The following SNTG1 variants were observed in gnomAD, a reference collection of about 807,000 sequenced individuals.
The protein encoded by SNTG1 is gamma-1-syntrophin.
A neutral mutation model predicts 74.7 loss-of-function variants in SNTG1; 39 were observed. That is an observed-to-expected ratio of 0.52 (90% CI 0.40 to 0.68). The LOEUF (loss-of-function observed/expected upper bound fraction) is 0.68. SNTG1 is among the 30% of genes least tolerant of loss of function. The pLI is 0.00. For synonymous variants in SNTG1, 254 were observed against 217.1 expected (o/e 1.17, Z -1.49); for missense variants, 685 against 609.5 (o/e 1.12, Z -1.30).
At chr8:50,751,665 TC>T (rs1489061012) in intron 17 of SNTG1, among the ~76,000 whole-genome samples, 1 of 152,026 alleles carries the variant, frequency 6.6e-6, no homozygotes, top group Non-Finnish European at 1.5e-5. Context: ...TCCAGAATGA[TC>T]AATTCAAAAT....
intron 2 of SNTG1, among the ~76,000 whole-genome samples, chr8:50,200,652 A>C (rs2083950769): frequency 6.6e-6 from 1 of 152,130 alleles, no homozygotes; most frequent in Non-Finnish European, 1.5e-5. Context: ...CAAGAGGAGC[A>C]AGGATTGGAA....
At chr8:50,601,188 A>AAAAAAAAAAAAAT (rs2094772379) in intron 13 of SNTG1, among the ~76,000 whole-genome samples, 1 of 134,446 alleles carries the variant, frequency 7.4e-6, no homozygotes, top group Admixed American at 7.7e-5. Context: ...AAAAAAAGAC[A>AAAAAAAAAAAAAT]TGTTAGGCTA....
chr8:50,767,817 A>G (rs1042321654), intron 18 of SNTG1, among the ~76,000 whole-genome samples: 1 of 152,010 alleles, frequency 6.6e-6, no homozygotes, highest in African/African-American at 2.4e-5. Flanking sequence ...TTAAATTATA[A>G]TTGGACTTAA....
At chr8:50,518,492 C>T (rs968713524) in intron 9 of SNTG1, among the ~76,000 whole-genome samples, 1 of 151,992 alleles carries the variant, frequency 6.6e-6, no homozygotes, top group Non-Finnish European at 1.5e-5. Context: ...CTCAAAAAAA[C>T]CTTCAAAAAA....
At chr8:50,020,359 C>T (rs1349637460) in intron 1 of SNTG1, among the ~76,000 whole-genome samples, 1 of 152,124 alleles carries the variant, frequency 6.6e-6, no homozygotes, top group Non-Finnish European at 1.5e-5. Flanking sequence ...GACAAGGCTT[C>T]CTACACAGCT....
chr8:50,014,661 G>A (rs866785638), intron 1 of SNTG1, among the ~76,000 whole-genome samples: 19 of 152,020 alleles, frequency 1.2e-4, no homozygotes, highest in Non-Finnish European at 2.2e-4. Context: ...AGATCCCCAC[G>A]GCAAAGGATA....
chr8:50,248,138 A>T (rs551403356), intron 2 of SNTG1, among the ~76,000 whole-genome samples: 1 of 152,238 alleles, frequency 6.6e-6, no homozygotes, highest in African/African-American at 2.4e-5. Context: ...TTTTAAGTTG[A>T]TTAGTTCTGC....
intron 8 of SNTG1, among the ~76,000 whole-genome samples, chr8:50,461,204 T>TGTGTGTGA (rs2093559067): frequency 7.9e-6 from 1 of 126,696 alleles, no homozygotes; most frequent in African/African-American, 2.9e-5. Context: ...TGTGTGTGTG[T>TGTGTGTGA]GACTGTACTG....
chr8:50,136,341 A>G (rs2081475274), intron 1 of SNTG1, among the ~76,000 whole-genome samples: 1 of 152,152 alleles, frequency 6.6e-6, no homozygotes, highest in South Asian at 2.1e-4. Context: ...ACTGCTTTCC[A>G]TGGTGGATGA....
chr8:50,562,307 A>T (rs1193265716), intron 12 of SNTG1, among the ~76,000 whole-genome samples: 1 of 152,232 alleles, frequency 6.6e-6, no homozygotes, highest in Non-Finnish European at 1.5e-5. Flanking sequence ...TGGCCTTAAA[A>T]TGGGGAAATT....
chr8:50,097,555 G>C (rs549206651), intron 1 of SNTG1, among the ~76,000 whole-genome samples: 1 of 152,194 alleles, frequency 6.6e-6, no homozygotes, highest in South Asian at 2.1e-4. Flanking sequence ...GGGAGGCTGA[G>C]GCAGGAGAAT....
chr8:50,684,209 C>A (rs1449801613), intron 15 of SNTG1, among the ~76,000 whole-genome samples: 1 of 152,152 alleles, frequency 6.6e-6, no homozygotes, highest in African/African-American at 2.4e-5. Context: ...AGCTATTTCT[C>A]TGGAAAACCA....
At chr8:50,059,686 T>G (rs1820314949) in intron 1 of SNTG1, among the ~76,000 whole-genome samples, 1 of 152,152 alleles carries the variant, frequency 6.6e-6, no homozygotes, top group Admixed American at 6.6e-5. Flanking sequence ...ATTTTCAAAT[T>G]GTTGAATAGG....
chr8:49,973,523 A>G (rs1482280224), intron 1 of SNTG1, among the ~76,000 whole-genome samples: 1 of 152,154 alleles, frequency 6.6e-6, no homozygotes, highest in African/African-American at 2.4e-5. Flanking sequence ...TAATAAAAAA[A>G]AAAAAAGAAA....
At chr8:50,005,797 A>AT (rs922290376) in intron 1 of SNTG1, among the ~76,000 whole-genome samples, 18 of 151,024 alleles carry the variant, frequency 1.2e-4, no homozygotes, top group Middle Eastern at 3.4e-3. Context: ...AGGCTATACT[A>AT]TTTTTTTTCA....
chr8:50,704,543 C>G, intron 15 of SNTG1, 57 bp from the exon 16 acceptor site: 1 of 1,611,202 alleles, frequency 6.2e-7, no homozygotes, highest in Non-Finnish European at 8.5e-7. Flanking sequence ...CAGGAATGGC[C>G]AGGTTAGCAA....
intron 2 of SNTG1, among the ~76,000 whole-genome samples, chr8:50,245,522 A>T (rs999555046): frequency 6.6e-6 from 1 of 152,006 alleles, no homozygotes; most frequent in Non-Finnish European, 1.5e-5. Context: ...ATCTCTACTA[A>T]AAATACAAAA....
chr8:50,676,154 T>G (rs1490751924), intron 15 of SNTG1, among the ~76,000 whole-genome samples: 1 of 152,028 alleles, frequency 6.6e-6, no homozygotes, highest in Non-Finnish European at 1.5e-5. Context: ...GTTCTCTGCA[T>G]TTCCTGAATT....
At chr8:49,973,073 A>T (rs957780213) in intron 1 of SNTG1, among the ~76,000 whole-genome samples, 9 of 152,320 alleles carry the variant, frequency 5.9e-5, no homozygotes, top group African/African-American at 2.2e-4. Context: ...ACGTATGTTT[A>T]TTGCGGCACT....
Sources: gnomAD v4.1 joint callset for allele counts (sites outside exome capture counted in the v4.1 genomes callset) on GRCh38, gnomAD v4.1.1 for gene constraint, MANE v1.5 for transcripts, NCBI Gene and HGNC (gene_info 2026-07-23, HGNC 2026-07-21) for gene names.